Variants in PCDH7 observed in about 807,000 individuals in gnomAD.
PCDH7 encodes protocadherin 7.
In PCDH7, 17 loss-of-function variants were observed where a neutral mutation model predicts 58.9. That is an observed-to-expected ratio of 0.29 (90% CI 0.20 to 0.43). PCDH7 has a LOEUF of 0.43. Ranked by LOEUF, PCDH7 falls within the 20% of genes least tolerant of loss-of-function variation. The pLI, the probability that PCDH7 is intolerant of heterozygous loss-of-function variation, is 1.00. For missense variants in PCDH7, 1,274 were observed against 1,441.0 expected (o/e 0.88, Z 1.88); for synonymous variants, 664 against 616.4 (o/e 1.08, Z -1.14).
At chr4:31,121,412 A>T (rs917824520) in intron 3 of PCDH7, among the ~76,000 whole-genome samples, 2 of 152,172 alleles carry the variant, frequency 1.3e-5, no homozygotes, top group Admixed American at 6.5e-5. Context: ...TTCATCTGTA[A>T]ATGTTTGCTT....
chr4:30,921,949 A>T (rs1743232249), intron 2 of PCDH7, among the ~76,000 whole-genome samples: 1 of 151,736 alleles, frequency 6.6e-6, no homozygotes, highest in Admixed American at 6.6e-5. Context: ...TCATTTTTCA[A>T]TGTTAGTTTC....
chr4:30,944,762 G>A (rs1005382418), intron 2 of PCDH7, among the ~76,000 whole-genome samples: 4 of 152,256 alleles, frequency 2.6e-5, no homozygotes, highest in Non-Finnish European at 4.4e-5. Context: ...TATGTCCATT[G>A]TGTAAAATCA....
intron 1 of PCDH7, among the ~76,000 whole-genome samples, chr4:30,868,249 G>A (rs1027638325): frequency 2.6e-5 from 4 of 151,952 alleles, no homozygotes; most frequent in Non-Finnish European, 5.9e-5. Flanking sequence ...ACATCACCTC[G>A]TTTAATCCCT....
chr4:30,785,014 A>T, intron 1 of PCDH7, among the ~76,000 whole-genome samples: 1 of 152,116 alleles, frequency 6.6e-6, no homozygotes, highest in South Asian at 2.1e-4. Flanking sequence ...TCCAATTTTC[A>T]GGGCAACCAA....
At chr4:31,127,188 A>T (rs2109331655) in intron 3 of PCDH7, among the ~76,000 whole-genome samples, 1 of 152,248 alleles carries the variant, frequency 6.6e-6, no homozygotes, top group South Asian at 2.1e-4. Flanking sequence ...CTCCCTTCAA[A>T]TTGTTGCAGT....
intron 3 of PCDH7, among the ~76,000 whole-genome samples, chr4:30,976,098 G>T (rs543428234): frequency 1.4e-4 from 22 of 152,264 alleles, no homozygotes; most frequent in African/African-American, 5.3e-4. Context: ...GGCTTGGTTT[G>T]TAATAACTCC....
downstream of PCDH7, among the ~76,000 whole-genome samples, chr4:30,736,956 T>A (rs899746162): frequency 1.3e-5 from 2 of 152,178 alleles, no homozygotes; most frequent in Non-Finnish European, 2.9e-5. Context: ...TCCATTCTGA[T>A]TGCAAAATGT....
chr4:30,878,606 TG>T (rs1261946521), intron 1 of PCDH7, among the ~76,000 whole-genome samples: 2 of 152,022 alleles, frequency 1.3e-5, no homozygotes, highest in African/African-American at 4.8e-5. Flanking sequence ...AAGAAATATT[TG>T]GGGGGCCAAG....
chr4:31,033,398 C>T (rs1398390041), intron 3 of PCDH7, among the ~76,000 whole-genome samples: 1 of 152,116 alleles, frequency 6.6e-6, no homozygotes, highest in African/African-American at 2.4e-5. Context: ...CAGAAGATAG[C>T]ATTTCAATGC....
intron 1 of PCDH7, among the ~76,000 whole-genome samples, chr4:30,888,090 G>C (rs762807734): frequency 6.6e-6 from 1 of 152,028 alleles, no homozygotes; most frequent in Non-Finnish European, 1.5e-5. Flanking sequence ...TGGTCAGTCT[G>C]GTCTCGAACC....
At chr4:30,781,895 T>G (rs1392770903) in intron 1 of PCDH7, among the ~76,000 whole-genome samples, 1 of 152,192 alleles carries the variant, frequency 6.6e-6, no homozygotes, top group Non-Finnish European at 1.5e-5. Context: ...AATACTTATT[T>G]TTAAGAGTAT....
intron 1 of PCDH7, chr4:30,868,928 T>C (rs1011708490): frequency 1.3e-5 from 2 of 152,102 alleles, no homozygotes; most frequent in African/African-American, 4.8e-5. Context: ...AGTTCAACCA[T>C]ATGAAAAAGA....
chr4:31,071,022 G>GA (rs1375563529), intron 3 of PCDH7, among the ~76,000 whole-genome samples: 2 of 152,096 alleles, frequency 1.3e-5, no homozygotes, highest in East Asian at 1.9e-4. Context: ...TTCCCTTGTG[G>GA]AAAAAAGCTT....
intron 2 of PCDH7, among the ~76,000 whole-genome samples, chr4:30,936,965 A>G (rs899142861): frequency 6.6e-6 from 1 of 152,030 alleles, no homozygotes; most frequent in African/African-American, 2.4e-5. Flanking sequence ...TTCAGAACAC[A>G]CACACACACA....
chr4:31,047,093 GTTT>G (rs996931872), intron 3 of PCDH7, among the ~76,000 whole-genome samples: 4 of 151,508 alleles, frequency 2.6e-5, no homozygotes, highest in African/African-American at 9.7e-5. Flanking sequence ...TTTTTTGTTT[GTTT>G]TTTTTAAATA....
At chr4:30,985,674 G>A (rs983380335) in intron 3 of PCDH7, among the ~76,000 whole-genome samples, 1 of 152,176 alleles carries the variant, frequency 6.6e-6, no homozygotes, top group Non-Finnish European at 1.5e-5. Flanking sequence ...TTATCATAAA[G>A]TAGATGCCCA....
At chr4:31,114,996 C>T (rs1010299584) in intron 3 of PCDH7, among the ~76,000 whole-genome samples, 7 of 152,052 alleles carry the variant, frequency 4.6e-5, no homozygotes, top group Admixed American at 6.6e-5. Flanking sequence ...TCATTATTGC[C>T]GCTGTAAGAA....
intron 3 of PCDH7, among the ~76,000 whole-genome samples, chr4:31,111,620 A>T (rs2109312093): frequency 6.6e-6 from 1 of 152,310 alleles, no homozygotes; most frequent in Non-Finnish European, 1.5e-5. Context: ...ACAAACAAAT[A>T]TAACAACAAC....
At chr4:30,730,747 T>C in intron 1 of PCDH7, 2 of 1,589,756 alleles carry the variant, frequency 1.3e-6, no homozygotes, top group South Asian at 1.1e-5. Flanking sequence ...ATTTTCCTTC[T>C]TTCAGATGCG....
Sources: gnomAD v4.1 joint callset for allele counts (sites outside exome capture counted in the v4.1 genomes callset) on GRCh38, gnomAD v4.1.1 for gene constraint, MANE v1.5 for transcripts, NCBI Gene and HGNC (gene_info 2026-07-23, HGNC 2026-07-21) for gene names.